The following HACE1 variants were observed in gnomAD, a reference collection of about 807,000 sequenced individuals.
HACE1 encodes E3 ubiquitin-protein ligase HACE1.
HACE1 carries 73 observed loss-of-function variants against 118.4 expected under a neutral mutation model. That is an observed-to-expected ratio of 0.62 (90% CI 0.51 to 0.75). The LOEUF (loss-of-function observed/expected upper bound fraction) is 0.75, where lower values mean the gene tolerates loss of function less well. Among genes scored for constraint, HACE1 ranks in the 30% least tolerant of loss-of-function variants. The pLI is 0.00. For synonymous variants in HACE1, 368 were observed against 374.8 expected (o/e 0.98, Z 0.21); for missense variants, 749 against 1,102.2 (o/e 0.68, Z 4.54).
chr6:104,811,458 A>G, intron 6 of HACE1, 65 bp from the exon 7 acceptor site: 1 of 780,054 alleles, frequency 1.3e-6, no homozygotes, highest in Admixed American at 1.8e-5. Context: ...AATTACCACA[A>G]TTTTAATCCA....
intron 6 of HACE1, among the ~76,000 whole-genome samples, chr6:104,812,884 T>C (rs1402650220): frequency 6.6e-6 from 1 of 152,226 alleles, no homozygotes; most frequent in African/African-American, 2.4e-5. Context: ...AGGACCTTTC[T>C]TCCCATCCTA....
intron 6 of HACE1, among the ~76,000 whole-genome samples, chr6:104,824,059 G>T (rs1404173804): frequency 6.6e-6 from 1 of 152,312 alleles, no homozygotes; most frequent in African/African-American, 2.4e-5. Flanking sequence ...AGTGTTAGGC[G>T]AGGGGACAGA....
At chr6:104,743,316 A>G (rs1287659800) in intron 22 of HACE1, among the ~76,000 whole-genome samples, 1 of 119,554 alleles carries the variant, frequency 8.4e-6, no homozygotes, top group Admixed American at 9.2e-5. Flanking sequence ...GTATAATAAT[A>G]AAAAAAAATT....
At chr6:104,831,601 GA>G (rs1773880169) in intron 6 of HACE1, among the ~76,000 whole-genome samples, 1 of 131,628 alleles carries the variant, frequency 7.6e-6, no homozygotes. Flanking sequence ...AAAAAGAAAA[GA>G]AAAGAAAGAG....
intron 22 of HACE1, among the ~76,000 whole-genome samples, chr6:104,740,385 T>G (rs1776512244): frequency 6.6e-6 from 1 of 151,820 alleles, no homozygotes. Context: ...AGGAGGTGGT[T>G]TTTTGAAAGG....
intron 4 of HACE1, among the ~76,000 whole-genome samples, chr6:104,844,741 C>A (rs1005849962): frequency 4.0e-5 from 6 of 151,304 alleles, no homozygotes; most frequent in Non-Finnish European, 5.9e-5. Flanking sequence ...AGGCTCACTG[C>A]AACCTCTGCC....
chr6:104,737,237 C>T (rs6571203), intron 22 of HACE1, among the ~76,000 whole-genome samples: 31,463 of 138,380 alleles, frequency 0.23, 3,597 homozygotes, highest in African/African-American at 0.3. Context: ...GGTTGCAGAT[C>T]GAGCCACTGC....
chr6:104,777,039 C>A lies in HACE1; in HGVS notation c.1750G>T (p.Val584Leu). The stretch of plus-strand genomic sequence containing the variant: ...ATGCCTTCTTCTCCATGGAACCGTA[C>A]AGCAATCCCTTGCTTTAGCTTTGCA... ...NCAKLKQGIAVRFHGEEGMGQ... is the reference protein window; with the variant it reads ...NCAKLKQGIALRFHGEEGMGQ... Residue 584 changes from valine (V) to leucine (L), a missense_variant, in exon 16 of 24, where the codon GTA becomes TTA. Transcript: ENST00000262903. 1.2e-6 allele frequency: 2 copies of A among 1,610,496 alleles called. No homozygotes were observed. Among genetic ancestry groups the A allele is most frequent in the Non-Finnish European group, 1.7e-6 (2 of 1,176,976 alleles).
chr6:104,801,711 T>C (rs1770376094), intron 7 of HACE1, among the ~76,000 whole-genome samples: 1 of 152,100 alleles, frequency 6.6e-6, no homozygotes, highest in South Asian at 2.1e-4. Flanking sequence ...GAGCTCCTCC[T>C]GAAGGAAGCA....
intron 7 of HACE1, among the ~76,000 whole-genome samples, chr6:104,801,888 C>A (rs1468085603): frequency 2.0e-5 from 3 of 151,984 alleles, no homozygotes; most frequent in East Asian, 1.9e-4. Context: ...GGGCTAAATG[C>A]CCCAATTAAA....
intron 19 of HACE1, among the ~76,000 whole-genome samples, chr6:104,764,884 G>C (rs567490452): frequency 4.3e-4 from 65 of 152,244 alleles, no homozygotes; most frequent in African/African-American, 1.5e-3. Flanking sequence ...GAACATAGTT[G>C]CAGGCCAGAG....
Position 104,777,227 on chromosome 6 carries a change from C to G in HACE1, c.1657G>C (p.Asp553His). ...DMVHRPVNEN[D>H]ILLVHRDSIF... is the part of the protein sequence containing the mutation. ...ATACCTCTGTGAACCAGCAGGATAT[C>G]ATTTTCATTCACTGGCCTGTGCACC... The change falls in exon 15 of 24, where the codon GAT (aspartate) becomes CAT (histidine). Residue 553 changes from aspartate (D) to histidine (H), a missense_variant. By Grantham distance (81) the Asp-to-His change is moderately conservative. Around this residue, in one of 5 missense-constraint regions of HACE1, gnomAD observed 195 missense variants for 322.1 expected, o/e 0.61. Coordinates refer to ENST00000262903, the MANE Select transcript of HACE1 (RefSeq NM_020771.4). 1 of 1,612,166 alleles carries G rather than the reference C, an allele frequency of 6.2e-7. No homozygotes were observed. Among genetic ancestry groups the G allele is most frequent in the East Asian group, 2.2e-5 (1 of 44,850 alleles).
chr6:104,843,381 A>C (rs1305681219), intron 4 of HACE1, 83 bp from the exon 5 acceptor site: 18 of 764,818 alleles, frequency 2.4e-5, no homozygotes, highest in Non-Finnish European at 4.3e-5. Context: ...TATTAGCAAC[A>C]ATCAATAACA....
chr6:104,733,765 A>G (rs1338687905), intron 22 of HACE1, among the ~76,000 whole-genome samples: 1 of 151,878 alleles, frequency 6.6e-6, no homozygotes, highest in Non-Finnish European at 1.5e-5. Context: ...GCTTGAACCC[A>G]GAAGGTGGAA....
intron 6 of HACE1, among the ~76,000 whole-genome samples, chr6:104,831,918 A>AAGAAGAGAAG (rs770162517): frequency 0.016 from 985 of 62,800 alleles, 86 homozygotes; most frequent in Middle Eastern, 0.049. Context: ...AGAAAAGAGA[A>AAGAAGAGAAG]AGAAGAGAAG....
intron 5 of HACE1, among the ~76,000 whole-genome samples, chr6:104,833,591 C>A (rs968477536): frequency 6.6e-6 from 1 of 152,256 alleles, no homozygotes; most frequent in East Asian, 1.9e-4. Flanking sequence ...CGTTTGTAAT[C>A]CCAGCACTTT....
intron 1 of HACE1, among the ~76,000 whole-genome samples, chr6:104,853,554 T>A (rs1776443265): frequency 6.6e-6 from 1 of 152,144 alleles, no homozygotes; most frequent in Non-Finnish European, 1.5e-5. Flanking sequence ...CTTTAAAAGT[T>A]AATGCTGATG....
At chr6:104,845,090 T>C (rs929816969) in intron 4 of HACE1, among the ~76,000 whole-genome samples, 4 of 152,046 alleles carry the variant, frequency 2.6e-5, no homozygotes, top group African/African-American at 9.7e-5. Context: ...ATAATAAATA[T>C]AGTAGTAATG....
chr6:104,781,009 C>A (rs1781681076), intron 14 of HACE1, among the ~76,000 whole-genome samples: 1 of 152,180 alleles, frequency 6.6e-6, no homozygotes. Context: ...AAGAATACCA[C>A]AGAAGTGATG....
Sources: allele counts gnomAD v4.1 joint callset (sites outside exome capture counted in the v4.1 genomes callset), GRCh38; gene constraint gnomAD v4.1.1; regional missense constraint gnomAD v4.1.1; transcripts MANE v1.5; gene names NCBI Gene and HGNC (gene_info 2026-07-23, HGNC 2026-07-21).